The following DLG2 variants were observed in gnomAD, a reference collection of about 807,000 sequenced individuals.
The protein encoded by DLG2 is disks large homolog 2.
Under a neutral mutation model 132.5 loss-of-function variants are expected in DLG2, and 45 were observed. That is an observed-to-expected ratio of 0.34 (90% CI 0.27 to 0.44). The LOEUF (loss-of-function observed/expected upper bound fraction) is 0.44. DLG2 is among the 20% of genes least tolerant of loss of function. DLG2 has a pLI of 1.00. For missense variants in DLG2, 1,045 were observed against 1,196.9 expected, an observed-to-expected ratio of 0.87 and a Z score of 1.87; for synonymous variants, 424 against 419.6, an observed-to-expected ratio of 1.01 and a Z score of -0.13.
At chr11:85,488,489 A>G (rs1444724107) in intron 3 of DLG2, among the ~76,000 whole-genome samples, 2 of 152,198 alleles carry the variant, frequency 1.3e-5, no homozygotes, top group Non-Finnish European at 2.9e-5. Context: ...AAGTCCAATT[A>G]AGTCCAATTA....
At chr11:84,741,030 T>C (rs1246273704) in intron 6 of DLG2, among the ~76,000 whole-genome samples, 1 of 148,548 alleles carries the variant, frequency 6.7e-6, no homozygotes, top group Non-Finnish European at 1.5e-5. Flanking sequence ...CGCCCCAGGC[T>C]GACCAAACAA....
At chr11:83,940,051 C>T (rs115027255) in intron 14 of DLG2, among the ~76,000 whole-genome samples, 193 of 152,320 alleles carry the variant, frequency 1.3e-3, no homozygotes, top group African/African-American at 4.3e-3. Flanking sequence ...GTGCCTGTTA[C>T]TGTAAACAGG....
chr11:83,691,768 G>A (rs145111487), intron 18 of DLG2, among the ~76,000 whole-genome samples: 5 of 152,134 alleles, frequency 3.3e-5, no homozygotes, highest in African/African-American at 1.2e-4. Flanking sequence ...CAAGGGTCTC[G>A]GCCACTCCTG....
At chr11:85,057,664 G>A (rs546190290) in intron 6 of DLG2, among the ~76,000 whole-genome samples, 24 of 151,520 alleles carry the variant, frequency 1.6e-4, no homozygotes, top group Non-Finnish European at 2.8e-4. Flanking sequence ...TAAGGCCAGC[G>A]TATTTTTGAT....
chr11:84,794,919 C>T (rs544971163), intron 6 of DLG2, among the ~76,000 whole-genome samples: 14 of 152,296 alleles, frequency 9.2e-5, no homozygotes, highest in Non-Finnish European at 1.6e-4. Flanking sequence ...GCCTGTGTGC[C>T]GTGGGCACCA....
At chr11:84,604,114 T>G (rs1430402567) in intron 6 of DLG2, among the ~76,000 whole-genome samples, 3 of 151,958 alleles carry the variant, frequency 2.0e-5, no homozygotes, top group Non-Finnish European at 4.4e-5. Context: ...ATAAGGATAG[T>G]GTATCTAAGC....
At position 85,489,377 on chromosome 11, in the gene DLG2, T is replaced by C. The variant is rs143019031; in HGVS notation, c.40+109280A>G. On this transcript the variant is annotated intron_variant, in intron 3 of 27. Transcript: ENST00000376104. ...AGAGGATATAATCATTCTAAATATA[T>C]ATGCACCCAACACTGCAGCACGCAG... is the stretch of plus-strand genomic sequence containing the variant. Among the ~76,000 whole-genome samples, 110 of 152,232 alleles carry C rather than the reference T, an allele frequency of 7.2e-4. 1 individual carries two copies. The highest frequency in any genetic ancestry group is 1.7e-3 in the African/African-American group (72 of 41,540).
chr11:83,932,569 C>T (rs2080509650), intron 14 of DLG2, among the ~76,000 whole-genome samples: 1 of 152,130 alleles, frequency 6.6e-6, no homozygotes, highest in South Asian at 2.1e-4. Context: ...AGGATTCTGT[C>T]ATATATTCTA....
chr11:85,369,312 TC>T (rs933284921), intron 3 of DLG2, among the ~76,000 whole-genome samples: 2 of 151,680 alleles, frequency 1.3e-5, no homozygotes, highest in Non-Finnish European at 2.9e-5. Context: ...GCCTTCCCTT[TC>T]CCCCCGCCAA....
intron 18 of DLG2, among the ~76,000 whole-genome samples, chr11:83,742,040 G>C (rs1217473938): frequency 6.6e-6 from 1 of 152,030 alleles, no homozygotes; most frequent in Admixed American, 6.6e-5. Flanking sequence ...TGATTTCTTG[G>C]GCACAAGGAG....
chr11:84,312,299 T>G (rs569035351), intron 7 of DLG2, among the ~76,000 whole-genome samples: 1 of 152,144 alleles, frequency 6.6e-6, no homozygotes, highest in African/African-American at 2.4e-5. Flanking sequence ...TGAAACCCCA[T>G]CTCTAATAAA....
chr11:84,858,832 TCAAA>T (rs2083156148), intron 6 of DLG2, among the ~76,000 whole-genome samples: 1 of 152,096 alleles, frequency 6.6e-6, no homozygotes, highest in African/African-American at 2.4e-5. Context: ...TGACAAGTAC[TCAAA>T]CAAAAAGAAA....
intron 9 of DLG2, among the ~76,000 whole-genome samples, chr11:84,137,670 TGCTTCCACCATATG>T (rs2094658609): frequency 6.6e-6 from 1 of 152,182 alleles, no homozygotes; most frequent in Non-Finnish European, 1.5e-5. Flanking sequence ...TATGAAAGAA[TGCTTCCACCATATG>T]GTTCAGTCTG....
intron 6 of DLG2, among the ~76,000 whole-genome samples, chr11:84,789,254 G>A (rs2153935206): frequency 6.6e-6 from 1 of 152,202 alleles, no homozygotes; most frequent in Middle Eastern, 3.4e-3. Flanking sequence ...CACCCAATCT[G>A]CAGTCTTTCT....
chr11:83,864,667 G>A (rs2061994852), intron 16 of DLG2, among the ~76,000 whole-genome samples: 4 of 152,114 alleles, frequency 2.6e-5, no homozygotes, highest in Admixed American at 2.6e-4. Flanking sequence ...ATCGCTGGCT[G>A]TTTCCCTGGC....
chr11:85,172,236 CAT>C (rs2078928090), intron 4 of DLG2, among the ~76,000 whole-genome samples: 2 of 152,218 alleles, frequency 1.3e-5, no homozygotes, highest in South Asian at 4.1e-4. Flanking sequence ...CCCTGAAATC[CAT>C]TAGCTCCCAG....
chr11:84,913,359 C>T (rs1256938255), intron 6 of DLG2, among the ~76,000 whole-genome samples: 1 of 152,082 alleles, frequency 6.6e-6, no homozygotes, highest in Non-Finnish European at 1.5e-5. Context: ...TCAGACTCAC[C>T]ATATATATTT....
intron 7 of DLG2, among the ~76,000 whole-genome samples, chr11:84,512,989 G>A (rs2099261519): frequency 6.6e-6 from 1 of 151,562 alleles, no homozygotes; most frequent in African/African-American, 2.4e-5. Flanking sequence ...GCCTGTTGGG[G>A]TTGGGGGACT....
intron 6 of DLG2, among the ~76,000 whole-genome samples, chr11:84,540,219 C>A (rs981674025): frequency 4.6e-5 from 7 of 151,998 alleles, no homozygotes; most frequent in Non-Finnish European, 1.0e-4. Context: ...ACAGCTCCTG[C>A]ACAGCAAAAG....
Sources: gnomAD v4.1 joint callset for allele counts (sites outside exome capture counted in the v4.1 genomes callset) on GRCh38, gnomAD v4.1.1 for gene constraint, MANE v1.5 for transcripts, NCBI Gene and HGNC (gene_info 2026-07-23, HGNC 2026-07-21) for gene names.